Variants in MYO3B observed in about 807,000 individuals in gnomAD.
MYO3B encodes the protein myosin-IIIb.
In MYO3B, 156 loss-of-function variants were observed where a neutral mutation model predicts 174.6. The observed-to-expected ratio is 0.89, with a 90% CI of 0.78 to 1.02. The LOEUF (loss-of-function observed/expected upper bound fraction) is 1.02. Among genes scored for constraint, MYO3B ranks in the 50% least tolerant of loss-of-function variants. The pLI is 0.00. For synonymous variants in MYO3B, 563 were observed against 569.1 expected, an observed-to-expected ratio of 0.99 and a Z score of 0.15; for missense variants, 1,632 against 1,639.4, an observed-to-expected ratio of 1.00 and a Z score of 0.08.
intron 32 of MYO3B, among the ~76,000 whole-genome samples, chr2:170,614,159 T>A (rs1055155479): frequency 6.6e-6 from 1 of 152,160 alleles, no homozygotes; most frequent in African/African-American, 2.4e-5. Flanking sequence ...TGGACTTTGG[T>A]GCCAAATGAA....
At chr2:170,310,200 G>A (rs369493638) in intron 7 of MYO3B, among the ~76,000 whole-genome samples, 32 of 152,264 alleles carry the variant, frequency 2.1e-4, no homozygotes, top group African/African-American at 6.5e-4. Context: ...GACGAAAAGC[G>A]TCAAACTCTG....
intron 32 of MYO3B, among the ~76,000 whole-genome samples, chr2:170,580,997 T>C (rs1320684655): frequency 6.6e-6 from 1 of 152,208 alleles, no homozygotes; most frequent in Non-Finnish European, 1.5e-5. Flanking sequence ...TATATATCTC[T>C]TCATGTAGAA....
At chr2:170,632,683 A>G (rs1463618952) in intron 32 of MYO3B, among the ~76,000 whole-genome samples, 2 of 152,184 alleles carry the variant, frequency 1.3e-5, no homozygotes, top group South Asian at 2.1e-4. Flanking sequence ...AAAAAAACCA[A>G]CGAATCCAGG....
chr2:170,178,734 T>C (rs1268367651), intron 1 of MYO3B, among the ~76,000 whole-genome samples: 1 of 152,218 alleles, frequency 6.6e-6, no homozygotes, highest in Non-Finnish European at 1.5e-5. Flanking sequence ...ATGTTTTTAA[T>C]GTTTTTCACC....
chr2:170,272,692 C>G (rs1373903964), intron 7 of MYO3B, among the ~76,000 whole-genome samples: 1 of 152,166 alleles, frequency 6.6e-6, no homozygotes, highest in Non-Finnish European at 1.5e-5. Flanking sequence ...TGAGAGGTGA[C>G]TGGACCATGA....
chr2:170,466,634 C>T lies in MYO3B; in HGVS notation c.2937C>T (p.Ser979=), dbSNP rs1203835410. The T allele has an allele frequency of 1.9e-6, 3 of 1,614,106 alleles. No homozygotes were observed. In the African/African-American group the frequency reaches 4.0e-5, roughly 22 times the overall value. The change falls in exon 25 of 35, where the codon TCC becomes TCT. Residue 979 remains serine (S), a synonymous_variant. Coordinates refer to ENST00000408978, the MANE Select transcript of MYO3B (RefSeq NM_138995.5). Reference sequence around the variant, plus strand: ...AGAGGGTGCTGGCCCAGCTCCGCTCCACAGGGATTCTGGAGACAGTCAGCA... The same window carrying T: ...AGAGGGTGCTGGCCCAGCTCCGCTCTACAGGGATTCTGGAGACAGTCAGCA... ...SRERVLAQLR[S]TGILETVSIR...
Position 170,408,143 on chromosome 2 carries a change from C to T in MYO3B, c.2650+299C>T, listed in dbSNP as rs141362338. On this transcript the variant is annotated intron_variant, in intron 22 of 34. Coordinates refer to ENST00000408978, the MANE Select transcript of MYO3B (RefSeq NM_138995.5). ...TCATTCTTCCCTTTATAAAGCCATACGATATCATTAATTCATGCTAAGCAA... is the reference window on the plus strand; with the variant it reads ...TCATTCTTCCCTTTATAAAGCCATATGATATCATTAATTCATGCTAAGCAA... 3.1e-3 allele frequency among the ~76,000 whole-genome samples: 466 copies of T among 152,288 alleles called. 4 individuals are homozygous for T. The Middle Eastern group carries it at 0.041, about 14-fold the overall frequency.
intron 32 of MYO3B, among the ~76,000 whole-genome samples, chr2:170,638,655 C>T (rs1157588746): frequency 2.0e-5 from 3 of 152,156 alleles, no homozygotes. Context: ...CTTCAGGCAA[C>T]AGATCCCCAT....
intron 1 of MYO3B, among the ~76,000 whole-genome samples, chr2:170,193,734 T>C (rs537626279): frequency 4.7e-4 from 72 of 152,264 alleles, no homozygotes; most frequent in Admixed American, 2.2e-3. Flanking sequence ...CATTTAGCAA[T>C]TTATCAATTA....
At chr2:170,621,421 C>T (rs1439836319) in intron 32 of MYO3B, among the ~76,000 whole-genome samples, 2 of 152,130 alleles carry the variant, frequency 1.3e-5, no homozygotes, top group Non-Finnish European at 2.9e-5. Flanking sequence ...TCTTCCTTCC[C>T]ACCTTTCACA....
intron 7 of MYO3B, among the ~76,000 whole-genome samples, chr2:170,329,083 C>T (rs1367140386): frequency 6.6e-6 from 1 of 151,464 alleles, no homozygotes; most frequent in African/African-American, 2.4e-5. Flanking sequence ...ACCTGAGAGG[C>T]AGAGGTTGCA....
chr2:170,282,516 T>G (rs2093519714), intron 7 of MYO3B, among the ~76,000 whole-genome samples: 1 of 152,224 alleles, frequency 6.6e-6, no homozygotes. Flanking sequence ...AGCCTTGTAG[T>G]ATATTTTAAA....
intron 1 of MYO3B, among the ~76,000 whole-genome samples, chr2:170,194,685 G>T (rs2092579053): frequency 2.0e-5 from 3 of 152,086 alleles, no homozygotes; most frequent in African/African-American, 7.2e-5. Context: ...GAACTAATAG[G>T]ATATACGTAT....
At chr2:170,519,350 G>C (rs2106138832) in intron 29 of MYO3B, 88 bp from the exon 30 acceptor site, 1 of 952,228 alleles carries the variant, frequency 1.1e-6, no homozygotes, top group East Asian at 2.5e-5. Context: ...GGCAGGGAGA[G>C]AAGGGCTGCA....
chr2:170,569,706 A>T (rs80223612), intron 32 of MYO3B, among the ~76,000 whole-genome samples: 1 of 151,596 alleles, frequency 6.6e-6, no homozygotes, highest in Non-Finnish European at 1.5e-5. Context: ...TACTAAAAAT[A>T]AAAAAATTAG....
intron 22 of MYO3B, among the ~76,000 whole-genome samples, chr2:170,416,389 T>C (rs1181948559): frequency 1.3e-5 from 2 of 152,042 alleles, no homozygotes; most frequent in Non-Finnish European, 2.9e-5. Context: ...CCAGGCGTGG[T>C]GGTGCACGCC....
chr2:170,351,098 A>G (rs1368613413), intron 8 of MYO3B: 2 of 152,140 alleles, frequency 1.3e-5, no homozygotes, highest in Non-Finnish European at 2.9e-5. Context: ...GAAGTTAGTT[A>G]TATTCAGAAT....
intron 7 of MYO3B, among the ~76,000 whole-genome samples, chr2:170,295,955 T>G (rs1168087496): frequency 1.3e-5 from 2 of 152,116 alleles, no homozygotes; most frequent in African/African-American, 4.8e-5. Context: ...GCCAGTAGAG[T>G]GCACCTTTTT....
intron 6 of MYO3B, among the ~76,000 whole-genome samples, chr2:170,234,152 CAG>C: frequency 8.6e-6 from 1 of 116,088 alleles, no homozygotes; most frequent in Non-Finnish European, 1.7e-5. Context: ...GCCTGGGCGA[CAG>C]AGTGAGACTC....
Sources: gnomAD v4.1 joint callset for allele counts (sites outside exome capture counted in the v4.1 genomes callset) on GRCh38, gnomAD v4.1.1 for gene constraint, MANE v1.5 for transcripts, NCBI Gene and HGNC (gene_info 2026-07-23, HGNC 2026-07-21) for gene names.